EXOC4: variants seen among roughly 807,000 people sequenced by gnomAD.
EXOC4 encodes the protein exocyst complex component 4.
EXOC4 carries 71 observed loss-of-function variants against 107.2 expected under a neutral mutation model. That is an observed-to-expected ratio of 0.66 (90% CI 0.55 to 0.81). The LOEUF is 0.81. Ranked by LOEUF, EXOC4 falls within the 30% of genes least tolerant of loss-of-function variation. The probability of loss-of-function intolerance (pLI) is 0.00; values close to 1 mark genes in which losing one functional copy is unlikely to be tolerated. For missense variants in EXOC4, 1,108 were observed against 1,189.6 expected (o/e 0.93, Z 1.01); for synonymous variants, 456 against 441.2 (o/e 1.03, Z -0.42).
At chr7:133,891,485 G>C (rs1436333699) in intron 11 of EXOC4, among the ~76,000 whole-genome samples, 2 of 45,160 alleles carry the variant, frequency 4.4e-5, no homozygotes, top group Non-Finnish European at 7.5e-5. Flanking sequence ...GTGAGAGAGG[G>C]CATCCCTGTC....
intron 7 of EXOC4, among the ~76,000 whole-genome samples, chr7:133,400,678 C>T (rs971989317): frequency 5.3e-5 from 8 of 152,104 alleles, no homozygotes; most frequent in African/African-American, 1.4e-4. Flanking sequence ...ACTTTTTCTC[C>T]CAATTTTAGC....
At chr7:133,387,252 A>G (rs995569721) in intron 7 of EXOC4, among the ~76,000 whole-genome samples, 4 of 152,168 alleles carry the variant, frequency 2.6e-5, no homozygotes, top group African/African-American at 9.7e-5. Context: ...GCAAATTTTG[A>G]TTCATTTTGA....
At chr7:133,979,310 G>A (rs1793916793) in intron 14 of EXOC4, among the ~76,000 whole-genome samples, 1 of 151,918 alleles carries the variant, frequency 6.6e-6, no homozygotes, top group Non-Finnish European at 1.5e-5. Context: ...AATCACACTT[G>A]AGTGTGATTA....
chr7:133,532,828 ATAATT>A (rs1167025419), intron 9 of EXOC4, among the ~76,000 whole-genome samples: 1 of 152,176 alleles, frequency 6.6e-6, no homozygotes, highest in Non-Finnish European at 1.5e-5. Context: ...CTAATAAAGG[ATAATT>A]TAAACAATTA....
intron 17 of EXOC4, among the ~76,000 whole-genome samples, chr7:134,035,090 G>C (rs1795358462): frequency 6.9e-6 from 1 of 145,232 alleles, no homozygotes. Flanking sequence ...CTGTTGGCCA[G>C]GCTGGAGTGC....
chr7:133,824,880 C>A (rs1178719549), intron 11 of EXOC4, among the ~76,000 whole-genome samples: 3 of 152,162 alleles, frequency 2.0e-5, no homozygotes, highest in Non-Finnish European at 4.4e-5. Flanking sequence ...ACGATCTCAT[C>A]TCAATCCTTA....
intron 9 of EXOC4, among the ~76,000 whole-genome samples, chr7:133,522,001 C>T (rs1260246469): frequency 1.3e-5 from 2 of 151,186 alleles, no homozygotes; most frequent in African/African-American, 4.9e-5. Flanking sequence ...TTTTTTTAAA[C>T]TGGATTTGAG....
At chr7:133,961,851 G>C (rs1800952653) in intron 14 of EXOC4, among the ~76,000 whole-genome samples, 1 of 152,152 alleles carries the variant, frequency 6.6e-6, no homozygotes, top group Non-Finnish European at 1.5e-5. Flanking sequence ...GTAATAGTTG[G>C]CATTTGTAGA....
chr7:133,497,909 G>T (rs1215977481), intron 9 of EXOC4, among the ~76,000 whole-genome samples: 1 of 152,156 alleles, frequency 6.6e-6, no homozygotes, highest in Non-Finnish European at 1.5e-5. Flanking sequence ...GGAAAGAATG[G>T]AGGTCTAATA....
At chr7:133,711,620 T>C (rs552550716) in intron 10 of EXOC4, among the ~76,000 whole-genome samples, 37 of 152,318 alleles carry the variant, frequency 2.4e-4, no homozygotes, top group African/African-American at 8.7e-4. Context: ...TTGAATACAG[T>C]ATTTGTAAAG....
At chr7:133,395,833 A>G (rs1384168845) in intron 7 of EXOC4, among the ~76,000 whole-genome samples, 2 of 152,082 alleles carry the variant, frequency 1.3e-5, no homozygotes, top group African/African-American at 4.8e-5. Context: ...AAGACAACCA[A>G]AATTTTCTCT....
At chr7:133,260,459 A>T (rs1251821071) in intron 1 of EXOC4, among the ~76,000 whole-genome samples, 2 of 152,122 alleles carry the variant, frequency 1.3e-5, no homozygotes, top group African/African-American at 4.8e-5. Flanking sequence ...TTTTTGGTAG[A>T]GACAGGATTT....
chr7:133,843,554 A>G (rs562018587), intron 11 of EXOC4, among the ~76,000 whole-genome samples: 31 of 152,322 alleles, frequency 2.0e-4, no homozygotes, highest in African/African-American at 7.0e-4. Context: ...TTATCAGATC[A>G]AGGAGCTTTT....
At chr7:133,941,377 T>G (rs1800424681) in intron 14 of EXOC4, among the ~76,000 whole-genome samples, 1 of 152,212 alleles carries the variant, frequency 6.6e-6, no homozygotes, top group Admixed American at 6.5e-5. Context: ...TGTCAGGTAT[T>G]ACATTTAGAA....
At chr7:133,436,264 C>T (rs1236576788) in intron 7 of EXOC4, among the ~76,000 whole-genome samples, 1 of 152,088 alleles carries the variant, frequency 6.6e-6, no homozygotes, top group Non-Finnish European at 1.5e-5. Context: ...ACTTGCCCTC[C>T]TATGTGCCCT....
intron 11 of EXOC4, among the ~76,000 whole-genome samples, chr7:133,870,750 C>G (rs755673999): frequency 2.0e-5 from 3 of 152,206 alleles, no homozygotes. Flanking sequence ...ACAGACTCAG[C>G]CCTTCTCTAG....
chr7:133,807,116 T>A (rs1461427019), intron 10 of EXOC4, among the ~76,000 whole-genome samples: 1 of 152,184 alleles, frequency 6.6e-6, no homozygotes, highest in Non-Finnish European at 1.5e-5. Context: ...TCTGCAGGGC[T>A]GACTGCCGGA....
At chr7:133,488,826 A>G (rs1262883935) in intron 9 of EXOC4, among the ~76,000 whole-genome samples, 1 of 151,822 alleles carries the variant, frequency 6.6e-6, no homozygotes, top group Non-Finnish European at 1.5e-5. Flanking sequence ...GAACTATGCT[A>G]TACATTGAGT....
At chr7:133,694,507 G>C (rs900037846) in intron 10 of EXOC4, among the ~76,000 whole-genome samples, 2 of 152,262 alleles carry the variant, frequency 1.3e-5, no homozygotes, top group African/African-American at 4.8e-5. Flanking sequence ...TTATCATACT[G>C]AAATTGTCTA....
Sources: gnomAD v4.1 joint callset for allele counts (sites outside exome capture counted in the v4.1 genomes callset) on GRCh38, gnomAD v4.1.1 for gene constraint, MANE v1.5 for transcripts, NCBI Gene and HGNC (gene_info 2026-07-23, HGNC 2026-07-21) for gene names.